UNC80: variants seen among roughly 807,000 people sequenced by gnomAD.
UNC80 encodes the protein unc-80 subunit of NALCN channel complex, also known as protein unc-80 homolog.
UNC80 carries 164 observed loss-of-function variants against 384.6 expected under a neutral mutation model. That is an observed-to-expected ratio of 0.43 (90% confidence interval 0.38 to 0.49). The LOEUF is 0.49. Among genes scored for constraint, UNC80 ranks in the 20% least tolerant of loss-of-function variants. UNC80 has a pLI of 0.00. For missense variants in UNC80, 3,330 were observed against 4,143.0 expected (o/e 0.80, Z 5.39); for synonymous variants, 1,486 against 1,527.8 (o/e 0.97, Z 0.64).
In UNC80 at chr2:209,976,920, C is replaced by T. The variant is rs1220733621; in HGVS notation, c.8780C>T (p.Ala2927Val). ...GTTATGCCTTCCTTTCAGCTGCTGG[C>T]CCAACCAGCAGAGAATCATGAAGAG... ...LRPFIQCKLL[A>V]QPAENHEELS... Residue 2927 changes from alanine to valine, a missense_variant, in exon 58 of 65, where the codon GCC (alanine) becomes GTC (valine). Ala to Val is a moderately conservative substitution (Grantham distance 64). Around this residue, in one of 8 missense-constraint regions of UNC80, gnomAD observed 216 missense variants for 245.3 expected, o/e 0.88. Transcript: ENST00000673920. The surrounding 1 kb of genome is among the most constrained non-coding windows in gnomAD (Gnocchi z 4.3). 16 of 1,511,154 alleles carry T rather than the reference C, an allele frequency of 1.1e-5. No individual in the cohort carries two copies. The highest frequency in any genetic ancestry group is 1.4e-5 in the Non-Finnish European group (16 of 1,114,316). The allele number at this position is 1,511,154 out of a possible 1,614,324, so 93.6% of individuals were successfully genotyped here.
At position 209,860,301 on chromosome 2, in the gene UNC80, G is replaced by A. The variant is rs192697130; in HGVS notation, c.3627+10678G>A. On this transcript the variant is annotated intron_variant, in intron 22 of 64. Transcript: ENST00000673920. The stretch of plus-strand genomic sequence containing the variant: ...CCGAATAGGAAATCCTTTCCCCATC[G>A]CTTGTTTTTGGCAGGTTTGTTGAAG... 7.9e-4 allele frequency among the ~76,000 whole-genome samples: 121 copies of A among 152,202 alleles called. No homozygotes were observed. In the South Asian group the frequency reaches 0.018, roughly 22 times the overall value.
intron 7 of UNC80, among the ~76,000 whole-genome samples, chr2:209,801,175 T>G (rs1358470958): frequency 6.6e-6 from 1 of 152,260 alleles, no homozygotes; most frequent in East Asian, 1.9e-4. Context: ...CCACTATTAC[T>G]GTTTGGGAGT....
chr2:209,872,643 A>T lies in UNC80; in HGVS notation c.3628-115A>T, dbSNP rs1273240167. The T allele has an allele frequency of 2.9e-6, 3 of 1,029,178 alleles. No individual in the cohort carries two copies. Among genetic ancestry groups the T allele is most frequent in the Non-Finnish European group, 4.3e-6 (3 of 694,956 alleles). The allele number at this position is 1,029,178 out of a possible 1,614,324, so 63.8% of individuals were successfully genotyped here. On this transcript the variant is annotated intron_variant, in intron 22 of 64. Coordinates refer to ENST00000673920, the MANE Select transcript of UNC80 (RefSeq NM_001371986.1). This position sits in a 1 kb window ranked among gnomAD's most constrained non-coding sequence, Gnocchi z 4.1. ...CACCCTGGGAAATATGGCCAATATA[A>T]ATCAAAACATGAAGAGGAAAATAAA...
At position 209,880,981 on chromosome 2, in the gene UNC80, T is replaced by A; in HGVS notation, c.3997T>A (p.Cys1333Ser). 2 of 1,552,158 alleles carry A rather than the reference T, an allele frequency of 1.3e-6. No individual in the cohort carries two copies. The highest frequency in any genetic ancestry group is 2.4e-5 in the South Asian group (2 of 84,056). Residue 1333 changes from cysteine to serine, a missense_variant, in exon 25 of 65, where the codon TGC becomes AGC. Physicochemically the swap from Cys to Ser is moderately radical, Grantham distance 112. Transcript: ENST00000673920. ...CCTAGGTACTGTGAACCCCTCTAAA[T>A]GCGGTTGCCCCTTTGCCTTGAAGAT... is the stretch of plus-strand genomic sequence containing the variant. ...LDDSTVNPSK[C>S]GCPFALKMAA...
At chr2:209,908,802 T>C (rs1443392531) in intron 29 of UNC80, among the ~76,000 whole-genome samples, 1 of 152,184 alleles carries the variant, frequency 6.6e-6, no homozygotes, top group Non-Finnish European at 1.5e-5. Context: ...AGGATGACTG[T>C]CCACTATAAC....
At chr2:209,967,773 G>T in intron 52 of UNC80, 136 bp downstream of exon 52, 1 of 773,976 alleles carries the variant, frequency 1.3e-6, no homozygotes, top group Non-Finnish European at 2.1e-6. Context: ...ATAGTTAATA[G>T]GGTCTATGAA....
chr2:209,817,039 G>A lies in UNC80; in HGVS notation c.1466G>A (p.Arg489His), dbSNP rs752072537. The A allele has an allele frequency of 1.4e-5, 22 of 1,551,618 alleles. No individual in the cohort carries two copies. Among genetic ancestry groups the A allele is most frequent in the South Asian group, 2.4e-5 (2 of 84,066 alleles). ...HEDHLDVSPTRSTFSFGSFSG... is the reference protein window; with the variant it reads ...HEDHLDVSPTHSTFSFGSFSG... ...GACCACCTGGATGTGTCCCCCACGC[G>A]CAGCACATTCTCCTTTGGAAGTTTC... is the stretch of plus-strand genomic sequence containing the variant. The change falls in exon 10 of 65, where the codon CGC becomes CAC. Residue 489 changes from arginine to histidine, a missense_variant. Transcript: ENST00000673920.
chr2:209,872,658 A>T lies in UNC80; in HGVS notation c.3628-100A>T. 1 of 1,110,608 alleles carries T rather than the reference A, an allele frequency of 9.0e-7. No individual in the cohort carries two copies. Among genetic ancestry groups the T allele is most frequent in the Non-Finnish European group, 1.3e-6 (1 of 758,666 alleles). 68.8% of individuals were successfully genotyped at this position (1,110,608 alleles called of 1,614,324 possible). A position where few individuals can be genotyped will look rare whatever the true frequency, so the allele number is the denominator to read the frequency against. ...GGCCAATATAAATCAAAACATGAAG[A>T]GGAAAATAAACTAAAAATACACAGT... is the stretch of plus-strand genomic sequence containing the variant. On this transcript the variant is annotated intron_variant, in intron 22 of 64. Coordinates refer to ENST00000673920, the MANE Select transcript of UNC80 (RefSeq NM_001371986.1). The surrounding 1 kb of genome is among the most constrained non-coding windows in gnomAD (Gnocchi z 4.1).
intron 48 of UNC80, among the ~76,000 whole-genome samples, chr2:209,955,728 TATATATATATACACACACACAC>T (rs1400695277): frequency 1.5e-4 from 11 of 72,256 alleles, no homozygotes; most frequent in African/African-American, 1.0e-3. Flanking sequence ...TATATATATA[TATATATATATACACACACACAC>T]ACACACACAG....
intron 25 of UNC80, among the ~76,000 whole-genome samples, chr2:209,884,799 A>G (rs904210884): frequency 2.6e-5 from 4 of 152,210 alleles, no homozygotes; most frequent in Admixed American, 1.3e-4. Flanking sequence ...ACGAAGGAAC[A>G]GAAAACCAAA....
At chr2:209,817,735 C>A in intron 10 of UNC80, 77 bp from the exon 11 acceptor site, 1 of 1,517,154 alleles carries the variant, frequency 6.6e-7, no homozygotes, top group Non-Finnish European at 8.9e-7. Flanking sequence ...CCCTGCTGTC[C>A]TTGGGAAAGA....
chr2:209,874,700 T>C (rs771704704), intron 23 of UNC80, among the ~76,000 whole-genome samples: 23 of 152,220 alleles, frequency 1.5e-4, no homozygotes, highest in Non-Finnish European at 2.6e-4. Context: ...TATAACTTAC[T>C]TCAGGGTTAC....
At position 209,839,677 on chromosome 2, in the gene UNC80, T is replaced by C. The variant is rs552397137; in HGVS notation, c.3250+247T>C. ...TAGCAAGCAAATACACACAGCCTCCTAACTTTGCTAAACTTGTAATATAGT... is the reference window on the plus strand; with the variant it reads ...TAGCAAGCAAATACACACAGCCTCCCAACTTTGCTAAACTTGTAATATAGT... On this transcript the variant is annotated intron_variant, in intron 19 of 64. Coordinates refer to ENST00000673920, the MANE Select transcript of UNC80 (RefSeq NM_001371986.1). This position sits in a 1 kb window ranked among gnomAD's most constrained non-coding sequence, Gnocchi z 4.1. Among the ~76,000 whole-genome samples, 30 of 152,236 alleles carry C rather than the reference T, an allele frequency of 2.0e-4. No homozygotes were observed. The highest frequency in any genetic ancestry group is 3.7e-4 in the Non-Finnish European group (25 of 68,040).
chr2:209,977,149 T>C lies in UNC80; in HGVS notation c.8938+71T>C, dbSNP rs1255163861. The C allele has an allele frequency of 6.7e-6, 9 of 1,352,422 alleles. No homozygotes were observed. The Admixed American group carries it at 1.2e-4, about 19-fold the overall frequency. The allele number at this position is 1,352,422 out of a possible 1,614,324, so 83.8% of individuals were successfully genotyped here. On this transcript the variant is annotated intron_variant, in intron 58 of 64. Transcript: ENST00000673920. ...TCACAGCCTACAAAGAATCCCTCTG[T>C]CCAGGTCACCACACTTTTTGGAACT...
chr2:209,794,913 C>G, intron 7 of UNC80: 5 of 400,188 alleles, frequency 1.2e-5, no homozygotes, highest in South Asian at 9.4e-5. Flanking sequence ...AGAAAATGAA[C>G]TAATATAGTA....
chr2:209,860,525 A>G (rs966760261), intron 22 of UNC80, among the ~76,000 whole-genome samples: 2 of 152,190 alleles, frequency 1.3e-5, no homozygotes, highest in Non-Finnish European at 2.9e-5. Flanking sequence ...TGTCTTGGCT[A>G]TATGGGGTCT....
chr2:209,775,763 ATTTGCAT>A (rs2076827327), intron 2 of UNC80, 119 bp from the exon 3 acceptor site: 2 of 874,624 alleles, frequency 2.3e-6, no homozygotes, highest in African/African-American at 3.4e-5. Context: ...TGGTCCAGTA[ATTTGCAT>A]CTTTTAAGGG....
At chr2:209,901,201 T>G (rs2087360171) in intron 28 of UNC80, among the ~76,000 whole-genome samples, 1 of 152,174 alleles carries the variant, frequency 6.6e-6, no homozygotes, top group African/African-American at 2.4e-5. Context: ...TAGAGAGAAG[T>G]CAATACCTGG....
At chr2:209,929,230 G>A (rs905710893) in intron 36 of UNC80, among the ~76,000 whole-genome samples, 1 of 152,026 alleles carries the variant, frequency 6.6e-6, no homozygotes, top group African/African-American at 2.4e-5. Flanking sequence ...GTGCTTACTG[G>A]CCCTGTTTTT....
Sources: gnomAD v4.1 joint callset for allele counts (sites outside exome capture counted in the v4.1 genomes callset) on GRCh38, gnomAD v4.1.1 for gene constraint, gnomAD v4.1.1 regional missense constraint, Gnocchi (gnomAD v3.1) non-coding constraint, MANE v1.5 for transcripts, NCBI Gene and HGNC (gene_info 2026-07-23, HGNC 2026-07-21) for gene names.